CNTNAP5: variants seen among roughly 807,000 people sequenced by gnomAD.
CNTNAP5 encodes the protein contactin associated protein family member 5.
CNTNAP5 carries 72 observed loss-of-function variants against 150.2 expected under a neutral mutation model. The ratio of observed to expected loss-of-function variants is 0.48; its 90% CI spans 0.40 to 0.58. The LOEUF (loss-of-function observed/expected upper bound fraction) is 0.58, where lower values mean the gene tolerates loss of function less well. CNTNAP5 is among the 20% of genes least tolerant of loss of function. CNTNAP5 has a pLI of 0.00. For synonymous variants in CNTNAP5, 672 were observed against 619.8 expected (o/e 1.08, Z -1.25); for missense variants, 1,636 against 1,626.2 (o/e 1.01, Z -0.10).
intron 1 of CNTNAP5, among the ~76,000 whole-genome samples, chr2:124,079,939 A>G (rs138908234): frequency 2.6e-5 from 4 of 152,330 alleles, no homozygotes; most frequent in Non-Finnish European, 5.9e-5. Flanking sequence ...GGGCTGTTGA[A>G]GAATAAATGA....
At chr2:124,064,035 C>T (rs1183389547) in intron 1 of CNTNAP5, among the ~76,000 whole-genome samples, 1 of 152,122 alleles carries the variant, frequency 6.6e-6, no homozygotes, top group African/African-American at 2.4e-5. Context: ...ACACAGACAG[C>T]CAGACTTAGG....
intron 19 of CNTNAP5, among the ~76,000 whole-genome samples, chr2:124,863,981 C>T (rs1472149757): frequency 6.6e-6 from 1 of 152,128 alleles, no homozygotes; most frequent in Non-Finnish European, 1.5e-5. Context: ...GGAAGAGCTC[C>T]TGCCATTTTG....
chr2:124,253,620 G>T (rs1687239944), intron 3 of CNTNAP5, among the ~76,000 whole-genome samples: 1 of 152,122 alleles, frequency 6.6e-6, no homozygotes, highest in South Asian at 2.1e-4. Context: ...TTGTTCTGTG[G>T]TTCAATGACT....
chr2:124,379,063 C>T (rs1012641086), intron 3 of CNTNAP5, among the ~76,000 whole-genome samples: 2 of 151,936 alleles, frequency 1.3e-5, no homozygotes, highest in Non-Finnish European at 2.9e-5. Context: ...AAATTTCCCA[C>T]ATACCCCTGG....
At chr2:124,256,188 A>T (rs894187084) in intron 3 of CNTNAP5, among the ~76,000 whole-genome samples, 1 of 152,078 alleles carries the variant, frequency 6.6e-6, no homozygotes, top group Non-Finnish European at 1.5e-5. Flanking sequence ...TATAAAAAAA[A>T]CCTTCGTTCG....
At chr2:124,212,317 T>A (rs891310254) in intron 1 of CNTNAP5, among the ~76,000 whole-genome samples, 1 of 151,940 alleles carries the variant, frequency 6.6e-6, no homozygotes, top group South Asian at 2.1e-4. Flanking sequence ...TTTGTAATGA[T>A]GTGTGTGTGT....
At chr2:124,909,826 CATAT>C (rs368913883) in intron 22 of CNTNAP5, among the ~76,000 whole-genome samples, 2,037 of 74,612 alleles carry the variant, frequency 0.027, 42 homozygotes, top group Middle Eastern at 0.074. Flanking sequence ...CAATTGGTGA[CATAT>C]ATATATATAT....
At chr2:124,356,174 A>T (rs1371555267) in intron 3 of CNTNAP5, among the ~76,000 whole-genome samples, 2 of 152,210 alleles carry the variant, frequency 1.3e-5, no homozygotes, top group Non-Finnish European at 2.9e-5. Context: ...TAAAATTATA[A>T]CAAATATTTT....
chr2:124,871,255 T>C (rs1677740727), intron 21 of CNTNAP5, among the ~76,000 whole-genome samples: 1 of 152,114 alleles, frequency 6.6e-6, no homozygotes, highest in Non-Finnish European at 1.5e-5. Context: ...TTCCCTTCAT[T>C]ATACATACAT....
chr2:124,642,288 T>C (rs1339686202), intron 12 of CNTNAP5, among the ~76,000 whole-genome samples: 10 of 152,324 alleles, frequency 6.6e-5, no homozygotes, highest in South Asian at 2.1e-4. Context: ...TTGTTATTGT[T>C]GAGTGTGCGT....
intron 1 of CNTNAP5, among the ~76,000 whole-genome samples, chr2:124,191,901 A>G (rs79172499): frequency 7.1e-6 from 1 of 141,502 alleles, no homozygotes; most frequent in African/African-American, 2.8e-5. Flanking sequence ...TCCATCTCTG[A>G]AAAAAAAAAA....
intron 13 of CNTNAP5, among the ~76,000 whole-genome samples, chr2:124,711,954 A>G (rs990352784): frequency 6.6e-6 from 1 of 152,202 alleles, no homozygotes; most frequent in Non-Finnish European, 1.5e-5. Context: ...GCCTGACCCT[A>G]GACACGTGCA....
intron 18 of CNTNAP5, among the ~76,000 whole-genome samples, chr2:124,797,854 T>C (rs577688984): frequency 1.3e-5 from 2 of 152,332 alleles, no homozygotes; most frequent in South Asian, 4.1e-4. Flanking sequence ...ACCTGAGCTT[T>C]CTTTTCTGGC....
At position 124,920,297 on chromosome 2, in the gene CNTNAP5, C is replaced by T. The variant is rs1206057721; in HGVS notation, c.*6009C>T. ...GGATATGAAACAGGAATAATGCATT[C>T]CTCTACAGACTCTTTGAAAGGCTTT... On this transcript the variant is annotated 3_prime_UTR_variant, in exon 24 of 24. Transcript: ENST00000682447. Among the ~76,000 whole-genome samples the T allele has an allele frequency of 6.6e-6, 1 of 152,068 alleles. No homozygotes were observed. Among genetic ancestry groups the T allele is most frequent in the Admixed American group, 6.6e-5 (1 of 15,256 alleles).
chr2:124,655,070 G>T (rs7573924), intron 13 of CNTNAP5, among the ~76,000 whole-genome samples: 46 of 151,980 alleles, frequency 3.0e-4, no homozygotes, highest in African/African-American at 1.1e-3. Context: ...GTGTTTTTCT[G>T]CACCTATCAA....
intron 1 of CNTNAP5, among the ~76,000 whole-genome samples, chr2:124,081,178 T>C (rs1558748368): frequency 6.6e-6 from 1 of 152,156 alleles, no homozygotes; most frequent in East Asian, 1.9e-4. Flanking sequence ...GTTTTTTTTT[T>C]CTAATACACA....
At chr2:124,068,922 G>A (rs1682232317) in intron 1 of CNTNAP5, among the ~76,000 whole-genome samples, 1 of 151,974 alleles carries the variant, frequency 6.6e-6, no homozygotes. Context: ...CTTGGGCCCT[G>A]AATTATCAAC....
At chr2:124,179,003 A>G (rs1176913438) in intron 1 of CNTNAP5, among the ~76,000 whole-genome samples, 4 of 150,924 alleles carry the variant, frequency 2.7e-5, no homozygotes, top group Non-Finnish European at 4.4e-5. Flanking sequence ...CCCAGGCTGG[A>G]GTGCATTGCA....
chr2:124,841,696 G>A (rs1467441006), intron 19 of CNTNAP5, among the ~76,000 whole-genome samples: 1 of 152,046 alleles, frequency 6.6e-6, no homozygotes, highest in Non-Finnish European at 1.5e-5. Context: ...TCCTTCTGTA[G>A]CCAGTGTCCA....
Sources: gnomAD v4.1 joint callset for allele counts (sites outside exome capture counted in the v4.1 genomes callset) on GRCh38, gnomAD v4.1.1 for gene constraint, MANE v1.5 for transcripts, NCBI Gene and HGNC (gene_info 2026-07-23, HGNC 2026-07-21) for gene names.